Variants in TNPO1 observed in about 807,000 individuals in gnomAD.
The protein encoded by TNPO1 is transportin 1, also known as transportin-1.
Under a neutral mutation model 119.5 loss-of-function variants are expected in TNPO1, and 8 were observed. The ratio of observed to expected loss-of-function variants is 0.07; its 90% CI spans 0.04 to 0.12. The LOEUF (loss-of-function observed/expected upper bound fraction) is 0.12, where lower values mean the gene tolerates loss of function less well. TNPO1 is among the 10% of genes least tolerant of loss of function. The pLI is 1.00. For missense variants in TNPO1, 576 were observed against 1,089.8 expected, an observed-to-expected ratio of 0.53 and a Z score of 6.64; for synonymous variants, 362 against 363.0, an observed-to-expected ratio of 1.00 and a Z score of 0.03.
intron 1 of TNPO1, among the ~76,000 whole-genome samples, chr5:72,845,088 G>C (rs372680917): frequency 1.9e-5 from 1 of 52,200 alleles, no homozygotes; most frequent in Non-Finnish European, 4.8e-5. Context: ...TTTTTTTTTT[G>C]GTCACCATTG....
Position 72,849,196 on chromosome 5 carries a change from T to G in TNPO1, c.129+698T>G, listed in dbSNP as rs535193591. ...GCTCAAGGCTGACTGCACAATTATG[T>G]AGGTCTTTACCGAGTGTGCTGGTGT... On this transcript the variant is annotated intron_variant, in intron 2 of 24. Transcript: ENST00000337273. Among the ~76,000 whole-genome samples the G allele has an allele frequency of 9.1e-4, 138 of 152,284 alleles. 1 individual carries two copies. The highest frequency in any genetic ancestry group is 3.2e-3 in the African/African-American group (135 of 41,564).
intron 1 of TNPO1, among the ~76,000 whole-genome samples, chr5:72,818,215 A>G (rs563683460): frequency 6.6e-6 from 1 of 152,314 alleles, no homozygotes; most frequent in Admixed American, 6.5e-5. Context: ...AGGAATTATT[A>G]AATTCCTCCC....
At chr5:72,848,344 A>G in intron 1 of TNPO1, 41 bp from the exon 2 acceptor site, 2 of 1,584,974 alleles carry the variant, frequency 1.3e-6, no homozygotes, top group Non-Finnish European at 1.7e-6. Flanking sequence ...ACCGGGAGTA[A>G]CAGTTGCTCC....
chr5:72,903,088 G>A (rs1025933366), intron 22 of TNPO1, among the ~76,000 whole-genome samples: 1 of 152,124 alleles, frequency 6.6e-6, no homozygotes, highest in South Asian at 2.1e-4. Context: ...AATGCTTAAA[G>A]CATATTATTA....
At chr5:72,869,903 G>A (rs540085878) in intron 6 of TNPO1, among the ~76,000 whole-genome samples, 5 of 152,246 alleles carry the variant, frequency 3.3e-5, no homozygotes, top group African/African-American at 1.2e-4. Flanking sequence ...ATCAATACAA[G>A]GAAGTTTTAT....
chr5:72,828,982 T>C (rs1477988113), intron 1 of TNPO1, among the ~76,000 whole-genome samples: 1 of 152,166 alleles, frequency 6.6e-6, no homozygotes, highest in East Asian at 1.9e-4. Flanking sequence ...CATAAATAAA[T>C]GATGTGTTTT....
At position 72,901,080 on chromosome 5, in the gene TNPO1, T is replaced by G. The variant is rs778485880; in HGVS notation, c.2514+7T>G. On this transcript the variant is annotated splice_region_variant and intron_variant, in intron 22 of 24. Transcript: ENST00000337273. ...TCCCAGTGGCGTAATCCAAGTAAGA[T>G]GTTCACAAAGATTTGTTTTTAATGT... The G allele has an allele frequency of 6.3e-7, 1 of 1,578,766 alleles. No individual in the cohort carries two copies.
chr5:72,852,162 T>C (rs1020954007), intron 3 of TNPO1, among the ~76,000 whole-genome samples: 18 of 152,344 alleles, frequency 1.2e-4, no homozygotes, highest in African/African-American at 4.3e-4. Context: ...AAAAAACTTC[T>C]AAAAGTCTAC....
At chr5:72,897,213 C>T (rs930954684) in intron 20 of TNPO1, 62 bp downstream of exon 20, 4 of 1,177,384 alleles carry the variant, frequency 3.4e-6, no homozygotes, top group African/African-American at 3.1e-5. Context: ...TTTTAATATG[C>T]GTAGAGAAAC....
At chr5:72,899,945 C>T in intron 20 of TNPO1, 61 bp from the exon 21 acceptor site, 6 of 1,321,266 alleles carry the variant, frequency 4.5e-6, no homozygotes, top group Non-Finnish European at 5.4e-6. Context: ...CTCCTTCCCC[C>T]TCATTTGCTC....
chr5:72,913,365 T>C lies in TNPO1; in HGVS notation c.*4692T>C, dbSNP rs1436010334. ...GATAATTCTTTATGCCTAGTTATTATACATATTAATTTTTAAGGTATACAT... is the reference window on the plus strand; with the variant it reads ...GATAATTCTTTATGCCTAGTTATTACACATATTAATTTTTAAGGTATACAT... On this transcript the variant is annotated 3_prime_UTR_variant, in exon 25 of 25. Transcript: ENST00000337273. 6.6e-6 allele frequency: 1 copy of C among 152,398 alleles called. No individual in the cohort carries two copies. The highest frequency in any genetic ancestry group is 1.5e-5 in the Non-Finnish European group (1 of 67,928). 9.4% of individuals were successfully genotyped at this position (152,398 alleles called of 1,614,324 possible).
At chr5:72,885,412 ATGG>A (rs1748546819) in intron 11 of TNPO1, among the ~76,000 whole-genome samples, 1 of 152,200 alleles carries the variant, frequency 6.6e-6, no homozygotes, top group Non-Finnish European at 1.5e-5. Flanking sequence ...ATATACATAC[ATGG>A]ATGGGGGAAC....
chr5:72,913,075 G>T lies in TNPO1; in HGVS notation c.*4402G>T, dbSNP rs995568658. 1.3e-5 allele frequency: 2 copies of T among 152,456 alleles called. No homozygotes were observed. The highest frequency in any genetic ancestry group is 2.9e-5 in the Non-Finnish European group (2 of 67,922). The allele number at this position is 152,456 out of a possible 1,614,324, so 9.4% of individuals were successfully genotyped here. ...AAAACTGGTCTTCAGATAGTTAAGG[G>T]CTTGGGATAATTTAAGTGAAAAGTG... On this transcript the variant is annotated 3_prime_UTR_variant, in exon 25 of 25. Coordinates refer to ENST00000337273, the MANE Select transcript of TNPO1 (RefSeq NM_002270.4).
At chr5:72,902,599 A>T (rs1166984332) in intron 22 of TNPO1, among the ~76,000 whole-genome samples, 1 of 152,052 alleles carries the variant, frequency 6.6e-6, no homozygotes, top group East Asian at 1.9e-4. Flanking sequence ...CTTTTTCAAA[A>T]GTATCTTCCG....
intron 1 of TNPO1, among the ~76,000 whole-genome samples, chr5:72,846,046 T>C (rs893765537): frequency 5.3e-5 from 8 of 152,198 alleles, no homozygotes; most frequent in African/African-American, 1.9e-4. Context: ...ATTAAAAGAA[T>C]GTGCTGGTGG....
chr5:72,849,564 C>T (rs965154961), intron 2 of TNPO1, among the ~76,000 whole-genome samples: 2 of 152,180 alleles, frequency 1.3e-5, no homozygotes, highest in African/African-American at 2.4e-5. Flanking sequence ...CCGAGGGTTT[C>T]GCAGAAATAC....
intron 4 of TNPO1, among the ~76,000 whole-genome samples, chr5:72,860,366 A>G (rs1746345424): frequency 6.6e-6 from 1 of 152,250 alleles, no homozygotes; most frequent in African/African-American, 2.4e-5. Context: ...TTCTGGCACT[A>G]AAAGATCCAT....
At chr5:72,877,814 G>A (rs769416319) in intron 9 of TNPO1, among the ~76,000 whole-genome samples, 2 of 151,940 alleles carry the variant, frequency 1.3e-5, no homozygotes, top group South Asian at 2.1e-4. Flanking sequence ...TATATTTTCC[G>A]CATTTTCACC....
chr5:72,821,352 A>C (rs1296012326), intron 1 of TNPO1, among the ~76,000 whole-genome samples: 1 of 152,192 alleles, frequency 6.6e-6, no homozygotes, highest in Non-Finnish European at 1.5e-5. Flanking sequence ...GTTTTTACTA[A>C]GAAAGGAATT....
Sources: allele counts gnomAD v4.1 joint callset (sites outside exome capture counted in the v4.1 genomes callset), GRCh38; gene constraint gnomAD v4.1.1; transcripts MANE v1.5; gene names NCBI Gene and HGNC (gene_info 2026-07-23, HGNC 2026-07-21).